HMCN1: variants seen among roughly 807,000 people sequenced by gnomAD.
HMCN1 encodes hemicentin-1.
Under a neutral mutation model 625.9 loss-of-function variants are expected in HMCN1, and 321 were observed. The ratio of observed to expected loss-of-function variants is 0.51; its 90% CI spans 0.47 to 0.56. The LOEUF (loss-of-function observed/expected upper bound fraction) is 0.56. HMCN1 is among the 20% of genes least tolerant of loss of function. The pLI is 0.00. For missense variants in HMCN1, 6,588 were observed against 6,887.3 expected (o/e 0.96, Z 1.54); for synonymous variants, 2,425 against 2,417.6 (o/e 1.00, Z -0.09).
At chr1:186,070,902 CT>C in intron 52 of HMCN1, 145 bp downstream of exon 52, 1 of 836,056 alleles carries the variant, frequency 1.2e-6, no homozygotes, top group Non-Finnish European at 1.9e-6. Flanking sequence ...GAATCTAAAA[CT>C]TAAAAAAAAA....
chr1:185,960,122 T>C (rs995069377), intron 11 of HMCN1, among the ~76,000 whole-genome samples: 1 of 149,398 alleles, frequency 6.7e-6, no homozygotes, highest in Non-Finnish European at 1.5e-5. Flanking sequence ...AGCAGGAATA[T>C]TCTTTTTTTT....
At chr1:186,002,125 A>C (rs1290830629) in intron 28 of HMCN1, among the ~76,000 whole-genome samples, 1 of 152,096 alleles carries the variant, frequency 6.6e-6, no homozygotes, top group African/African-American at 2.4e-5. Context: ...CATATCCTGA[A>C]GCTGCTAGGC....
Position 186,136,808 on chromosome 1 carries a change from C to G in HMCN1, c.13453C>G (p.Arg4485Gly). The change falls in exon 87 of 107, where the codon CGG (arginine) becomes GGG (glycine). Residue 4485 changes from arginine (R) to glycine (G), a missense_variant. By Grantham distance (125) the Arg-to-Gly change is moderately radical. Around this residue, in one of 3 missense-constraint regions of HMCN1, gnomAD observed 1,954 missense variants for 2,013.1 expected, o/e 0.97. Transcript: ENST00000271588. ...RQGHSISWDD[R>G]VNVLSNNSLY... ...AGGGCACTCTATTTCCTGGGATGACCGGGTTAACGTGTTGTCCAACAACTC... is the reference window on the plus strand; with the variant it reads ...AGGGCACTCTATTTCCTGGGATGACGGGGTTAACGTGTTGTCCAACAACTC... 1 of 1,613,964 alleles carries G rather than the reference C, an allele frequency of 6.2e-7. No individual in the cohort carries two copies. Among genetic ancestry groups the G allele is most frequent in the East Asian group, 2.2e-5 (1 of 44,864 alleles).
In HMCN1 at chr1:186,178,412, G is replaced by A. The variant is rs1195540811; in HGVS notation, c.15944-4G>A. 8 of 1,604,060 alleles carry A rather than the reference G, an allele frequency of 5.0e-6. No homozygotes were observed. The highest frequency in any genetic ancestry group is 6.8e-6 in the Non-Finnish European group (8 of 1,171,114). Reference sequence around the variant, plus strand: ...TTCTTTTTTATATCATGGCATACGAGCAGACATTAATGAATGTGAACAAGT... The same window carrying A: ...TTCTTTTTTATATCATGGCATACGAACAGACATTAATGAATGTGAACAAGT... On this transcript the variant is annotated splice_polypyrimidine_tract_variant and splice_region_variant and intron_variant, in intron 103 of 106. Transcript: ENST00000271588.
intron 36 of HMCN1, among the ~76,000 whole-genome samples, chr1:186,026,649 T>A (rs1321534292): frequency 6.6e-6 from 1 of 152,188 alleles, no homozygotes; most frequent in Non-Finnish European, 1.5e-5. Context: ...ATTTTTGTTT[T>A]TAGAGACAAA....
chr1:186,006,027 T>C (rs896463716), intron 29 of HMCN1, among the ~76,000 whole-genome samples: 4 of 151,708 alleles, frequency 2.6e-5, no homozygotes, highest in African/African-American at 9.7e-5. Context: ...TTCCAGCTAC[T>C]TGGGAGGCCG....
intron 42 of HMCN1, among the ~76,000 whole-genome samples, chr1:186,051,009 A>G (rs1024893032): frequency 6.6e-6 from 1 of 152,076 alleles, no homozygotes; most frequent in African/African-American, 2.4e-5. Context: ...AACTCTGTGA[A>G]GAGGGTAAAA....
chr1:186,001,404 T>G lies in HMCN1; in HGVS notation c.4176T>G (p.Ile1392Met). The change falls in exon 27 of 107, where the codon ATT (isoleucine) becomes ATG (methionine). Residue 1392 changes from isoleucine to methionine, a missense_variant. By Grantham distance (10) the Ile-to-Met change is conservative (BLOSUM62 1). This residue lies in a region of HMCN1 where 4,628 missense variants were observed against 4,853.1 expected (regional missense o/e 0.95). Transcript: ENST00000271588. ...CEVEGTPSPI[I>M]MWYKDNVQVT... is the part of the protein sequence containing the mutation. ...TGGAAGGCACTCCATCTCCCATCAT[T>G]ATGTGGTATAAAGATAATGTCCAGG... 6.2e-7 allele frequency: 1 copy of G among 1,612,634 alleles called. No individual in the cohort carries two copies. Among genetic ancestry groups the G allele is most frequent in the East Asian group, 2.2e-5 (1 of 44,792 alleles).
chr1:185,774,069 T>G (rs755424768), intron 1 of HMCN1, among the ~76,000 whole-genome samples: 9 of 152,182 alleles, frequency 5.9e-5, no homozygotes, highest in Non-Finnish European at 8.8e-5. Flanking sequence ...TTGTGCTTTT[T>G]GTTCCATACT....
At chr1:186,045,613 A>G in intron 40 of HMCN1, 75 bp from the exon 41 acceptor site, 5 of 1,083,478 alleles carry the variant, frequency 4.6e-6, no homozygotes, top group Non-Finnish European at 5.7e-6. Flanking sequence ...TATTCAGTAT[A>G]TGTCCTGATA....
rs759959147 is a variant in HMCN1 at position 186,016,232 on chromosome 1, T to C, written c.5184T>C (p.Asp1728=). Reference sequence around the variant, plus strand: ...AAAAGGAAATCAAATATGAAGTTGATGTCTTGGGTAAATAAGGATGCCACT... The same window carrying C: ...AAAAGGAAATCAAATATGAAGTTGACGTCTTGGGTAAATAAGGATGCCACT... ...AGEKEIKYEV[D]VLVPPAIEGG... Residue 1728 remains aspartate (D), a synonymous_variant, in exon 32 of 107, where the codon GAT becomes GAC. Transcript: ENST00000271588. The C allele has an allele frequency of 1.2e-5, 20 of 1,612,292 alleles. No homozygotes were observed. The highest frequency in any genetic ancestry group is 1.6e-5 in the Non-Finnish European group (19 of 1,178,712).
At chr1:185,977,751 ACC>A (rs1475321171) in intron 15 of HMCN1, 34 bp from the exon 16 acceptor site, 4 of 1,298,768 alleles carry the variant, frequency 3.1e-6, no homozygotes, top group Non-Finnish European at 4.5e-6. Flanking sequence ...TGTATAATAT[ACC>A]GATGACTTAT....
chr1:185,735,118 ATTGT>A (rs1388985322), intron 1 of HMCN1, 71 bp downstream of exon 1: 41 of 1,505,516 alleles, frequency 2.7e-5, no homozygotes, highest in South Asian at 4.6e-5. Context: ...TGTGAATGAA[ATTGT>A]TTGTCAGGAA....
At chr1:186,022,333 T>G (rs1022115850) in intron 35 of HMCN1, among the ~76,000 whole-genome samples, 6 of 152,120 alleles carry the variant, frequency 3.9e-5, no homozygotes, top group African/African-American at 1.4e-4. Flanking sequence ...GAATTAGAAC[T>G]GAGGGAATGC....
chr1:185,951,168 C>T (rs779203118), intron 11 of HMCN1, among the ~76,000 whole-genome samples: 84 of 150,838 alleles, frequency 5.6e-4, no homozygotes, highest in Admixed American at 1.5e-3. Context: ...AAGAGGAGGA[C>T]GCAAAGGAGG....
intron 97 of HMCN1, among the ~76,000 whole-genome samples, chr1:186,154,263 G>A (rs1297864135): frequency 2.0e-5 from 3 of 152,090 alleles, no homozygotes; most frequent in Non-Finnish European, 4.4e-5. Flanking sequence ...ATAATGTGGC[G>A]GGGCGTGGTG....
At chr1:185,986,732 C>A (rs1318555477) in intron 19 of HMCN1, among the ~76,000 whole-genome samples, 1 of 151,134 alleles carries the variant, frequency 6.6e-6, no homozygotes, top group East Asian at 1.9e-4. Flanking sequence ...GTGGCTTATG[C>A]CTGTAATCCC....
intron 41 of HMCN1, among the ~76,000 whole-genome samples, chr1:186,047,094 G>A (rs984435558): frequency 2.0e-5 from 3 of 152,076 alleles, no homozygotes; most frequent in Non-Finnish European, 2.9e-5. Flanking sequence ...GCTTACCCAA[G>A]GAAGACAGAA....
At position 186,113,960 on chromosome 1, in the gene HMCN1, A is replaced by G; in HGVS notation, c.11132-19A>G. 2.5e-6 allele frequency: 4 copies of G among 1,613,814 alleles called. No homozygotes were observed. Among genetic ancestry groups the G allele is most frequent in the Non-Finnish European group, 3.4e-6 (4 of 1,179,804 alleles). On this transcript the variant is annotated intron_variant, in intron 72 of 106. Transcript: ENST00000271588. ...TTATTTAGTCTCACTGAATTTTTTC[A>G]TGTGTATCTCTTGTTCAGTTCCTCC...
Sources: gnomAD v4.1 joint callset for allele counts (sites outside exome capture counted in the v4.1 genomes callset) on GRCh38, gnomAD v4.1.1 for gene constraint, gnomAD v4.1.1 regional missense constraint, MANE v1.5 for transcripts, NCBI Gene and HGNC (gene_info 2026-07-23, HGNC 2026-07-21) for gene names.